The following GLI3 variants were observed in gnomAD, a reference collection of about 807,000 sequenced individuals.
The protein encoded by GLI3 is transcription activator GLI3.
Under a neutral mutation model 100.8 loss-of-function variants are expected in GLI3, and 20 were observed. The observed-to-expected ratio is 0.20, with a 90% CI of 0.14 to 0.29. GLI3 has a LOEUF of 0.29. Ranked by LOEUF, GLI3 falls within the 10% of genes least tolerant of loss-of-function variation. GLI3 has a pLI of 1.00. For missense variants in GLI3, 2,040 were observed against 2,128.5 expected, an observed-to-expected ratio of 0.96 and a Z score of 0.82; for synonymous variants, 938 against 860.5, an observed-to-expected ratio of 1.09 and a Z score of -1.58.
intron 10 of GLI3, among the ~76,000 whole-genome samples, chr7:41,995,936 A>G (rs1028772009): frequency 6.6e-6 from 1 of 152,202 alleles, no homozygotes; most frequent in African/African-American, 2.4e-5. Flanking sequence ...TAAATTAGTT[A>G]TCCTTGGTTG....
chr7:42,034,740 T>G (rs964490602), intron 7 of GLI3, among the ~76,000 whole-genome samples: 2 of 152,192 alleles, frequency 1.3e-5, no homozygotes, highest in African/African-American at 4.8e-5. Context: ...CTATTCTTTC[T>G]TAACATCTGG....
At chr7:41,988,900 C>T (rs999796284) in intron 10 of GLI3, among the ~76,000 whole-genome samples, 1 of 152,130 alleles carries the variant, frequency 6.6e-6, no homozygotes, top group East Asian at 1.9e-4. Context: ...AGTAAGTTGC[C>T]TTTTGTTAAA....
At chr7:42,148,583 C>G in intron 2 of GLI3, 115 bp from the exon 3 acceptor site, 1 of 1,033,938 alleles carries the variant, frequency 9.7e-7, no homozygotes, top group South Asian at 1.3e-5. Context: ...AAGTATCTTT[C>G]TCATTCACAG....
chr7:42,146,959 C>G (rs1246396885), intron 3 of GLI3, among the ~76,000 whole-genome samples: 1 of 152,188 alleles, frequency 6.6e-6, no homozygotes, highest in Non-Finnish European at 1.5e-5. Context: ...GATGGACAAG[C>G]ACTTTTGAAA....
At chr7:41,991,196 G>T (rs1583764150) in intron 10 of GLI3, among the ~76,000 whole-genome samples, 1 of 152,228 alleles carries the variant, frequency 6.6e-6, no homozygotes, top group East Asian at 1.9e-4. Flanking sequence ...TCAATGCACG[G>T]ACACATTTGC....
chr7:42,113,632 C>T, intron 3 of GLI3: 1 of 950,046 alleles, frequency 1.1e-6, no homozygotes, highest in Admixed American at 1.7e-5. Context: ...GAAGTGTCTG[C>T]ATTTTTGATA....
intron 1 of GLI3, among the ~76,000 whole-genome samples, chr7:42,250,419 G>A (rs533770377): frequency 6.6e-6 from 1 of 152,288 alleles, no homozygotes; most frequent in South Asian, 2.1e-4. Flanking sequence ...CTTGCTTCCA[G>A]GTAGATGGAC....
At chr7:42,239,584 A>G (rs1012033886), upstream of GLI3, among the ~76,000 whole-genome samples, 2 of 152,330 alleles carry the variant, frequency 1.3e-5, no homozygotes, top group South Asian at 4.1e-4. Context: ...AATACAAAGA[A>G]AGACAGCCAA....
chr7:42,131,244 A>T (rs1179134529), intron 3 of GLI3, among the ~76,000 whole-genome samples: 5 of 152,226 alleles, frequency 3.3e-5, no homozygotes, highest in African/African-American at 7.2e-5. Context: ...ACTTCTCAGG[A>T]GAATGAATTG....
intron 3 of GLI3, among the ~76,000 whole-genome samples, chr7:42,087,262 G>A (rs1785121656): frequency 6.6e-6 from 1 of 152,196 alleles, no homozygotes; most frequent in African/African-American, 2.4e-5. Flanking sequence ...ACAGGTATGG[G>A]CTGTCTCCTC....
chr7:42,193,810 AG>A (rs1787874879), intron 2 of GLI3, among the ~76,000 whole-genome samples: 1 of 152,204 alleles, frequency 6.6e-6, no homozygotes, highest in African/African-American at 2.4e-5. Context: ...TCCAACATAC[AG>A]AAAAGTACTA....
intron 3 of GLI3, among the ~76,000 whole-genome samples, chr7:42,111,650 A>G (rs1411029127): frequency 6.6e-6 from 1 of 152,206 alleles, no homozygotes; most frequent in Non-Finnish European, 1.5e-5. Context: ...TATCAGGTGC[A>G]TGAGACACAG....
chr7:42,007,588 C>G (rs1484383612), intron 10 of GLI3, among the ~76,000 whole-genome samples: 2 of 152,058 alleles, frequency 1.3e-5, no homozygotes, highest in Non-Finnish European at 2.9e-5. Flanking sequence ...GTTTTTATCT[C>G]AAAGGATCTC....
At chr7:42,035,587 T>G (rs562197372) in intron 7 of GLI3, among the ~76,000 whole-genome samples, 1 of 152,254 alleles carries the variant, frequency 6.6e-6, no homozygotes, top group Non-Finnish European at 1.5e-5. Flanking sequence ...CCACTTTCAT[T>G]GTAGCCATTA....
At chr7:41,998,834 C>T (rs753457075) in intron 10 of GLI3, among the ~76,000 whole-genome samples, 10 of 152,200 alleles carry the variant, frequency 6.6e-5, no homozygotes, top group Non-Finnish European at 1.5e-4. Context: ...TAAACTAACA[C>T]CTGCAATTAT....
chr7:42,208,235 G>A (rs1432596611), intron 2 of GLI3, among the ~76,000 whole-genome samples: 1 of 152,166 alleles, frequency 6.6e-6, no homozygotes, highest in African/African-American at 2.4e-5. Flanking sequence ...GCATGGATGG[G>A]TCTAAGGTCT....
intron 3 of GLI3, among the ~76,000 whole-genome samples, chr7:42,127,543 G>A (rs1786164719): frequency 6.6e-6 from 1 of 152,186 alleles, no homozygotes; most frequent in Non-Finnish European, 1.5e-5. Context: ...TGAGGGAATA[G>A]CCTATTTCAA....
chr7:42,160,689 T>G (rs1279939463), intron 2 of GLI3, among the ~76,000 whole-genome samples: 1 of 152,192 alleles, frequency 6.6e-6, no homozygotes, highest in Non-Finnish European at 1.5e-5. Context: ...TTCTTTGGGC[T>G]GCTGCTTCCC....
At chr7:41,991,295 T>C (rs1277929640) in intron 10 of GLI3, among the ~76,000 whole-genome samples, 1 of 152,154 alleles carries the variant, frequency 6.6e-6, no homozygotes, top group Non-Finnish European at 1.5e-5. Flanking sequence ...AGCAGGCCCA[T>C]TGCCCAGGGC....
Sources: gnomAD v4.1 joint callset for allele counts (sites outside exome capture counted in the v4.1 genomes callset) on GRCh38, gnomAD v4.1.1 for gene constraint, MANE v1.5 for transcripts, NCBI Gene and HGNC (gene_info 2026-07-23, HGNC 2026-07-21) for gene names.